The following LRRC7 variants were observed in gnomAD, a reference collection of about 807,000 sequenced individuals.
LRRC7 encodes the protein leucine-rich repeat-containing protein 7.
Under a neutral mutation model 175.7 loss-of-function variants are expected in LRRC7, and 23 were observed. That is an observed-to-expected ratio of 0.13 (90% CI 0.09 to 0.19). The LOEUF is 0.19. Among genes scored for constraint, LRRC7 ranks in the 10% least tolerant of loss-of-function variants. The probability of loss-of-function intolerance (pLI) is 1.00; values close to 1 mark genes in which losing one functional copy is unlikely to be tolerated. For missense variants in LRRC7, 1,354 were observed against 1,904.7 expected (o/e 0.71, Z 5.38); for synonymous variants, 685 against 680.9 (o/e 1.01, Z -0.09).
chr1:69,811,028 A>G (rs750822577), intron 4 of LRRC7, among the ~76,000 whole-genome samples: 1 of 152,214 alleles, frequency 6.6e-6, no homozygotes, highest in Non-Finnish European at 1.5e-5. Flanking sequence ...TGTCCATCTG[A>G]CAAAGGGCTA....
At chr1:69,991,681 G>A (rs911250982) in intron 10 of LRRC7, among the ~76,000 whole-genome samples, 8 of 152,104 alleles carry the variant, frequency 5.3e-5, no homozygotes, top group Non-Finnish European at 2.9e-5. Flanking sequence ...TTGGACTACC[G>A]ACATTTAAAA....
chr1:69,740,170 C>T (rs74731443), intron 2 of LRRC7, among the ~76,000 whole-genome samples: 306 of 152,186 alleles, frequency 2.0e-3, no homozygotes, highest in African/African-American at 6.9e-3. Flanking sequence ...CATAAGAAAA[C>T]ACAAACTGGG....
chr1:70,013,132 G>T, intron 13 of LRRC7, 43 bp downstream of exon 13: 1 of 1,218,034 alleles, frequency 8.2e-7, no homozygotes. Flanking sequence ...GTTATTTGCT[G>T]AAAGCAAATT....
chr1:69,802,329 A>C (rs1676610453), intron 4 of LRRC7, among the ~76,000 whole-genome samples: 1 of 151,300 alleles, frequency 6.6e-6, no homozygotes, highest in Non-Finnish European at 1.5e-5. Flanking sequence ...GAAGTCCCCC[A>C]CTATTATTGT....
At chr1:69,834,693 A>G in intron 5 of LRRC7, 87 bp from the exon 6 acceptor site, 1 of 979,240 alleles carries the variant, frequency 1.0e-6, no homozygotes, top group South Asian at 1.4e-5. Context: ...TTACATTTCT[A>G]TTTTTTCTCC....
chr1:69,748,422 T>C (rs1669485036), intron 2 of LRRC7, among the ~76,000 whole-genome samples: 1 of 152,098 alleles, frequency 6.6e-6, no homozygotes, highest in Non-Finnish European at 1.5e-5. Context: ...TAGAAAATGA[T>C]TTCCTACTAG....
chr1:69,995,120 AT>A (rs1206019375), intron 11 of LRRC7, among the ~76,000 whole-genome samples: 10 of 152,172 alleles, frequency 6.6e-5, no homozygotes, highest in African/African-American at 2.4e-4. Flanking sequence ...TTTAGCTAGC[AT>A]TTTTTAAAAC....
chr1:69,606,156 TTTTACTAAATA>T (rs1647532382), intron 1 of LRRC7, among the ~76,000 whole-genome samples: 1 of 152,162 alleles, frequency 6.6e-6, no homozygotes, highest in Non-Finnish European at 1.5e-5. Flanking sequence ...ATTTGAGATT[TTTTACTAAATA>T]AGGAGCTCTT....
chr1:69,616,389 G>T (rs781167203), intron 1 of LRRC7, among the ~76,000 whole-genome samples: 8 of 151,894 alleles, frequency 5.3e-5, no homozygotes, highest in Non-Finnish European at 7.4e-5. Context: ...ATCCATAATA[G>T]TACCCTCATA....
intron 11 of LRRC7, among the ~76,000 whole-genome samples, chr1:69,999,560 T>C (rs1171849275): frequency 6.6e-6 from 1 of 152,136 alleles, no homozygotes; most frequent in Non-Finnish European, 1.5e-5. Context: ...CCATCATCAA[T>C]ATAGCCAATA....
intron 7 of LRRC7, among the ~76,000 whole-genome samples, chr1:69,904,166 T>A (rs1041179328): frequency 2.0e-5 from 3 of 152,176 alleles, no homozygotes; most frequent in African/African-American, 2.4e-5. Context: ...GAATAATCTC[T>A]AGGAATATCT....
intron 3 of LRRC7, among the ~76,000 whole-genome samples, chr1:69,769,430 TATTACA>T (rs56189175): frequency 0.16 from 24,762 of 152,026 alleles, 2,438 homozygotes; most frequent in Non-Finnish European, 0.23. Flanking sequence ...ACAGACATAA[TATTACA>T]ATTAGAAAAT....
intron 1 of LRRC7, among the ~76,000 whole-genome samples, chr1:69,623,314 T>A (rs977379130): frequency 6.6e-6 from 1 of 152,270 alleles, no homozygotes; most frequent in East Asian, 1.9e-4. Context: ...AGATAACTTT[T>A]CTGTAGTCCT....
intron 1 of LRRC7, among the ~76,000 whole-genome samples, chr1:69,617,598 G>A (rs12028177): frequency 0.28 from 39,450 of 140,930 alleles, 5,662 homozygotes; most frequent in Middle Eastern, 0.38. Flanking sequence ...GACCTTGTGG[G>A]AGCTGGAGTC....
chr1:69,668,415 G>A (rs890910132), intron 1 of LRRC7, among the ~76,000 whole-genome samples: 16 of 152,132 alleles, frequency 1.1e-4, no homozygotes, highest in African/African-American at 3.9e-4. Context: ...CTGTTCCTGT[G>A]TTAGTTTGCT....
chr1:69,697,637 A>G (rs1662777415), intron 2 of LRRC7, among the ~76,000 whole-genome samples: 2 of 152,274 alleles, frequency 1.3e-5, no homozygotes, highest in South Asian at 2.1e-4. Flanking sequence ...CAAAACAACT[A>G]TTTGCTTAGG....
chr1:69,713,131 G>C (rs1664963970), intron 2 of LRRC7, among the ~76,000 whole-genome samples: 1 of 152,052 alleles, frequency 6.6e-6, no homozygotes, highest in Non-Finnish European at 1.5e-5. Context: ...TTTACCTATT[G>C]TAATAAAAAA....
intron 2 of LRRC7, among the ~76,000 whole-genome samples, chr1:69,741,070 ATGT>A (rs1027239335): frequency 6.6e-6 from 1 of 152,146 alleles, no homozygotes; most frequent in East Asian, 1.9e-4. Flanking sequence ...GCAAACTTGC[ATGT>A]TGTTCTACAG....
rs1570668685 is a variant in LRRC7 at position 69,923,177 on chromosome 1, A to G, written c.648-8330A>G. On this transcript the variant is annotated intron_variant, in intron 7 of 26. Transcript: ENST00000651989. The stretch of plus-strand genomic sequence containing the variant: ...ATTTTTTATGGCTGCATAGTATTCC[A>G]TGGTGTATATGTGCCACATTTTCTT... 3.9e-5 allele frequency among the ~76,000 whole-genome samples: 6 copies of G among 152,278 alleles called. No individual in the cohort carries two copies. In the South Asian group the frequency reaches 1.0e-3, roughly 26 times the overall value.
Sources: allele counts gnomAD v4.1 joint callset (sites outside exome capture counted in the v4.1 genomes callset), GRCh38; gene constraint gnomAD v4.1.1; transcripts MANE v1.5; gene names NCBI Gene and HGNC (gene_info 2026-07-23, HGNC 2026-07-21).